Variants in FHIP1A observed in about 807,000 individuals in gnomAD.
The protein encoded by FHIP1A is FHF complex subunit HOOK interacting protein 1A, also known as FHF complex subunit HOOK-interacting protein 1A.
Under a neutral mutation model 88.6 loss-of-function variants are expected in FHIP1A, and 61 were observed. That is an observed-to-expected ratio of 0.69 (90% CI 0.56 to 0.85). The LOEUF (loss-of-function observed/expected upper bound fraction) is 0.85. FHIP1A is among the 40% of genes least tolerant of loss of function. The probability of loss-of-function intolerance (pLI) is 0.00; values close to 1 mark genes in which losing one functional copy is unlikely to be tolerated. For missense variants in FHIP1A, 1,154 were observed against 1,273.5 expected (o/e 0.91, Z 1.43); for synonymous variants, 478 against 496.0 (o/e 0.96, Z 0.48).
rs200686182 is a variant in FHIP1A at position 151,643,100 on chromosome 4, AT to A, written c.1227-3457del. ...AAATGAAAAGATAGTTTGATGATAA[AT>A]ACCTATACTAAATTCATAAGTGATT... is the stretch of plus-strand genomic sequence containing the variant. On this transcript the variant is annotated intron_variant, in intron 9 of 13. Coordinates refer to ENST00000435205, the MANE Select transcript of FHIP1A (RefSeq NM_001109977.3). Among the ~76,000 whole-genome samples the A allele has an allele frequency of 9.8e-3, 1,489 of 152,154 alleles. 20 individuals are homozygous for A. The highest frequency in any genetic ancestry group is 0.034 in the African/African-American group (1,415 of 41,514).
intron 1 of FHIP1A, among the ~76,000 whole-genome samples, chr4:151,431,227 C>T (rs1733578642): frequency 6.6e-6 from 1 of 152,056 alleles, no homozygotes; most frequent in South Asian, 2.1e-4. Context: ...GAATCTCAGT[C>T]AATCCTGACT....
intron 3 of FHIP1A, among the ~76,000 whole-genome samples, chr4:151,506,810 C>T (rs1730852024): frequency 6.6e-6 from 1 of 152,054 alleles, no homozygotes; most frequent in Non-Finnish European, 1.5e-5. Flanking sequence ...ATATCACATG[C>T]CTTCAAAGAG....
chr4:151,530,087 G>A (rs80110631), intron 3 of FHIP1A, among the ~76,000 whole-genome samples: 1 of 152,102 alleles, frequency 6.6e-6, no homozygotes, highest in Non-Finnish European at 1.5e-5. Flanking sequence ...AAAATAAGTC[G>A]TTCGAACTCA....
intron 3 of FHIP1A, among the ~76,000 whole-genome samples, chr4:151,563,888 G>A (rs540734319): frequency 6.6e-6 from 1 of 152,180 alleles, no homozygotes; most frequent in Non-Finnish European, 1.5e-5. Context: ...AGCTAGTCGG[G>A]AGGCTGAGGC....
Position 151,668,295 on chromosome 4 carries a change from T to C in FHIP1A, c.*5541T>C, listed in dbSNP as rs921035064. 2.6e-5 allele frequency among the ~76,000 whole-genome samples: 4 copies of C among 152,144 alleles called. No individual in the cohort carries two copies. The highest frequency in any genetic ancestry group is 4.4e-5 in the Non-Finnish European group (3 of 68,038). On this transcript the variant is annotated 3_prime_UTR_variant, in exon 14 of 14. Coordinates refer to ENST00000435205, the MANE Select transcript of FHIP1A (RefSeq NM_001109977.3). Reference sequence around the variant, plus strand: ...CCCAATAGTCACCATGTGGAAACTATGCAACTAAATTCAATGGAAATGAAA... The same window carrying C: ...CCCAATAGTCACCATGTGGAAACTACGCAACTAAATTCAATGGAAATGAAA...
chr4:151,536,140 A>G (rs147728715), intron 3 of FHIP1A, among the ~76,000 whole-genome samples: 231 of 152,250 alleles, frequency 1.5e-3, no homozygotes, highest in African/African-American at 5.2e-3. Flanking sequence ...GTTTATTGGG[A>G]TAATTGTAGA....
intron 13 of FHIP1A, among the ~76,000 whole-genome samples, chr4:151,657,724 A>C (rs1036991098): frequency 2.6e-5 from 4 of 152,150 alleles, no homozygotes; most frequent in African/African-American, 9.7e-5. Flanking sequence ...CAGTGGGGAG[A>C]GTAAGGCTCT....
chr4:151,466,010 G>A (rs1317611815), intron 2 of FHIP1A, among the ~76,000 whole-genome samples: 3 of 151,576 alleles, frequency 2.0e-5, no homozygotes, highest in Non-Finnish European at 4.4e-5. Context: ...TAGAAATAAA[G>A]GGTATTCATA....
At chr4:151,659,476 G>C (rs1737372583) in intron 13 of FHIP1A, among the ~76,000 whole-genome samples, 1 of 152,188 alleles carries the variant, frequency 6.6e-6, no homozygotes. Context: ...CCAAGTGTCT[G>C]TGTGCTCTGC....
intron 6 of FHIP1A, among the ~76,000 whole-genome samples, chr4:151,587,193 C>T (rs1232578947): frequency 6.6e-6 from 1 of 152,056 alleles, no homozygotes; most frequent in African/African-American, 2.4e-5. Context: ...TGCTTAATGG[C>T]GCATACTACA....
At chr4:151,562,308 C>T (rs1488206128) in intron 3 of FHIP1A, among the ~76,000 whole-genome samples, 1 of 152,184 alleles carries the variant, frequency 6.6e-6, no homozygotes, top group African/African-American at 2.4e-5. Flanking sequence ...GCCAGCTGTG[C>T]TTCCCATCAA....
intron 9 of FHIP1A, among the ~76,000 whole-genome samples, chr4:151,640,715 G>A (rs1736555730): frequency 6.6e-6 from 1 of 152,224 alleles, no homozygotes; most frequent in African/African-American, 2.4e-5. Context: ...ATCTGGAGGT[G>A]CAGAGCCTCC....
chr4:151,656,254 GTCAA>G lies in FHIP1A; in HGVS notation c.2575_2578del (p.Lys860TrpfsTer22). On this transcript the variant is annotated frameshift_variant, in exon 12 of 14. Coordinates refer to ENST00000435205, the MANE Select transcript of FHIP1A (RefSeq NM_001109977.3). LOFTEE classifies it high-confidence loss of function. The surrounding 1 kb of genome is among the most constrained non-coding windows in gnomAD (Gnocchi z 4.2). The stretch of plus-strand genomic sequence containing the variant: ...CAGGCCCATTCATCAGCGTAGTCCT[GTCAA>G]AGCTGGAGAACATGCTGGAGAACTC... 1 of 1,551,668 alleles carries G rather than the reference GTCAA, an allele frequency of 6.4e-7. No individual in the cohort carries two copies. Among genetic ancestry groups the G allele is most frequent in the Non-Finnish European group, 8.7e-7 (1 of 1,146,980 alleles).
Position 151,664,168 on chromosome 4 carries a change from GTCTC to G in FHIP1A, c.*1420_*1423del, listed in dbSNP as rs1440395928. On this transcript the variant is annotated 3_prime_UTR_variant, in exon 14 of 14. Transcript: ENST00000435205. ...TGTTTGGAAGGAAATTGGAAGGTTTGTCTCTCTCTGTTCTTTGTGGGCATCTCTG... is the reference window on the plus strand; with the variant it reads ...TGTTTGGAAGGAAATTGGAAGGTTTGTCTCTGTTCTTTGTGGGCATCTCTG... Among the ~76,000 whole-genome samples, 37 of 152,188 alleles carry G rather than the reference GTCTC, an allele frequency of 2.4e-4. No individual in the cohort carries two copies. The highest frequency in any genetic ancestry group is 2.4e-3 in the Admixed American group (37 of 15,280).
At chr4:151,575,041 A>G (rs572745288) in intron 4 of FHIP1A, among the ~76,000 whole-genome samples, 3 of 152,254 alleles carry the variant, frequency 2.0e-5, no homozygotes, top group East Asian at 3.9e-4. Context: ...CTCCTATTAC[A>G]TATTGCCATA....
intron 3 of FHIP1A, among the ~76,000 whole-genome samples, chr4:151,551,237 G>A (rs568835031): frequency 1.3e-5 from 2 of 152,250 alleles, no homozygotes; most frequent in Admixed American, 1.3e-4. Flanking sequence ...TGAACATAGT[G>A]TTAAGGTAGA....
chr4:151,655,582 G>C (rs576621113), intron 11 of FHIP1A, among the ~76,000 whole-genome samples: 2 of 152,088 alleles, frequency 1.3e-5, no homozygotes, highest in Non-Finnish European at 1.5e-5. Context: ...TGTGGTTACC[G>C]AGTTGCTAAG....
chr4:151,581,824 A>G (rs1578779978), intron 5 of FHIP1A, among the ~76,000 whole-genome samples: 1 of 152,228 alleles, frequency 6.6e-6, no homozygotes. Flanking sequence ...CTGTTGGAAC[A>G]GTAATGACTC....
Position 151,551,290 on chromosome 4 carries a change from A to G in FHIP1A, c.-122-14848A>G, listed in dbSNP as rs952022674. 4.6e-5 allele frequency among the ~76,000 whole-genome samples: 7 copies of G among 152,218 alleles called. No individual in the cohort carries two copies. In the South Asian group the frequency reaches 1.4e-3, roughly 32 times the overall value. ...ATAACTAAGATTCACTGCCATCCCT[A>G]TCAAGATACCAATGACTTTCTTCAC... On this transcript the variant is annotated intron_variant, in intron 3 of 13. Transcript: ENST00000435205.
Sources: gnomAD v4.1 joint callset for allele counts (sites outside exome capture counted in the v4.1 genomes callset) on GRCh38, gnomAD v4.1.1 for gene constraint, Gnocchi (gnomAD v3.1) non-coding constraint, MANE v1.5 for transcripts, NCBI Gene and HGNC (gene_info 2026-07-23, HGNC 2026-07-21) for gene names.